The following POU2AF1 variants were observed in gnomAD, a reference collection of about 807,000 sequenced individuals.
POU2AF1 encodes the protein POU class 2 homeobox associating factor 1.
A neutral mutation model predicts 26.3 loss-of-function variants in POU2AF1; 12 were observed. The ratio of observed to expected loss-of-function variants is 0.46; its 90% CI spans 0.29 to 0.74. The LOEUF is 0.74. POU2AF1 is among the 30% of genes least tolerant of loss of function. The pLI, the probability that POU2AF1 is intolerant of heterozygous loss-of-function variation, is 0.09. For synonymous variants in POU2AF1, 175 were observed against 148.0 expected, an observed-to-expected ratio of 1.18 and a Z score of -1.32; for missense variants, 297 against 334.5, an observed-to-expected ratio of 0.89 and a Z score of 0.87.
chr11:111,368,552 C>A (rs989879223), intron 1 of POU2AF1, among the ~76,000 whole-genome samples: 2 of 152,188 alleles, frequency 1.3e-5, no homozygotes, highest in Non-Finnish European at 2.9e-5. Flanking sequence ...TCTGCAGAGG[C>A]TTTTGTGCCA....
At chr11:111,365,309 G>A (rs1462568216) in intron 1 of POU2AF1, among the ~76,000 whole-genome samples, 1 of 152,176 alleles carries the variant, frequency 6.6e-6, no homozygotes, top group Non-Finnish European at 1.5e-5. Context: ...TTGGAGAAAG[G>A]GAGTGGTTGT....
chr11:111,371,520 G>A (rs1002111647), intron 1 of POU2AF1, among the ~76,000 whole-genome samples: 2 of 152,100 alleles, frequency 1.3e-5, no homozygotes, highest in Non-Finnish European at 2.9e-5. Context: ...TTCCAAGTTT[G>A]ATCACAGAAT....
At chr11:111,355,391 G>A (rs7107546) in intron 4 of POU2AF1, among the ~76,000 whole-genome samples, 105,593 of 152,102 alleles carry the variant, frequency 0.69, 37,394 homozygotes, top group Admixed American at 0.79. Context: ...CCTGCAACAG[G>A]GGCGGGACCT....
In POU2AF1 at chr11:111,353,254, T is replaced by G. The variant is rs1219653164; in HGVS notation, c.*1007A>C. The G allele has an allele frequency of 8.6e-6, 2 of 233,168 alleles. No individual in the cohort carries two copies. The highest frequency in any genetic ancestry group is 1.7e-5 in the Non-Finnish European group (2 of 118,042). The allele number at this position is 233,168 out of a possible 1,614,324, so 14.4% of individuals were successfully genotyped here. A position where few individuals can be genotyped will look rare whatever the true frequency, so the allele number is the denominator to read the frequency against. ...CCTCAAGGAGAGCAGCAAAACCATCTCTTCAAGCAATGCTTTCCTTTAGTT... is the reference window on the plus strand; with the variant it reads ...CCTCAAGGAGAGCAGCAAAACCATCGCTTCAAGCAATGCTTTCCTTTAGTT... On this transcript the variant is annotated 3_prime_UTR_variant, in exon 5 of 5. Transcript: ENST00000393067.
At chr11:111,378,902 A>C (rs1861364473) in intron 1 of POU2AF1, among the ~76,000 whole-genome samples, 1 of 152,328 alleles carries the variant, frequency 6.6e-6, no homozygotes, top group African/African-American at 2.4e-5. Context: ...AAGCGGAGGT[A>C]CCCTGAGCCG....
At chr11:111,360,139 A>T (rs191609879) in intron 1 of POU2AF1, 192 of 468,860 alleles carry the variant, frequency 4.1e-4, no homozygotes, top group Non-Finnish European at 7.2e-4. Flanking sequence ...CGTGGCTGGG[A>T]AGCAACAAGC....
chr11:111,358,744 TTTCA>T (rs386757472), intron 2 of POU2AF1, 40 bp downstream of exon 2: 40 of 1,489,540 alleles, frequency 2.7e-5, no homozygotes, highest in Non-Finnish European at 3.3e-5. Flanking sequence ...ACACATTCTC[TTTCA>T]CACACACACA....
chr11:111,363,948 T>C, intron 1 of POU2AF1: 1 of 985,344 alleles, frequency 1.0e-6, no homozygotes, highest in South Asian at 4.7e-5. Flanking sequence ...GGAGATCTCC[T>C]TTTTCGGGCT....
At chr11:111,361,184 C>T (rs1416099101) in intron 1 of POU2AF1, among the ~76,000 whole-genome samples, 1 of 140,028 alleles carries the variant, frequency 7.1e-6, no homozygotes, top group East Asian at 2.0e-4. Flanking sequence ...CCCCCGCCCA[C>T]GTGGATCTTG....
At chr11:111,369,744 C>G (rs956803284) in intron 1 of POU2AF1, among the ~76,000 whole-genome samples, 4 of 152,156 alleles carry the variant, frequency 2.6e-5, no homozygotes, top group African/African-American at 9.7e-5. Flanking sequence ...AGTCCACCTA[C>G]CCCAGTGGCC....
At chr11:111,360,796 T>C (rs1860991471) in intron 1 of POU2AF1, among the ~76,000 whole-genome samples, 1 of 151,976 alleles carries the variant, frequency 6.6e-6, no homozygotes, top group African/African-American at 2.4e-5. Flanking sequence ...TACAAAAAAT[T>C]AGCCAGATGT....
chr11:111,354,532 C>T lies in POU2AF1; in HGVS notation c.500G>A (p.Gly167Asp), dbSNP rs753286475. The T allele has an allele frequency of 6.4e-7, 1 of 1,561,066 alleles. No individual in the cohort carries two copies. The highest frequency in any genetic ancestry group is 8.6e-7 in the Non-Finnish European group (1 of 1,158,818). ...ATPAVGPPLE[G>D]PEHQAPLTYF... The stretch of plus-strand genomic sequence containing the variant: ...GGTGAGGGGTGCCTGGTGCTCTGGG[C>T]CCTCCAGCGGGGGCCCCACTGCGGG... The change falls in exon 5 of 5, where the codon GGC (glycine) becomes GAC (aspartate). Residue 167 changes from glycine to aspartate, a missense_variant. By Grantham distance (94) the Gly-to-Asp change is moderately conservative. Transcript: ENST00000393067.
chr11:111,358,336 T>G (rs61896824), intron 2 of POU2AF1, among the ~76,000 whole-genome samples: 58,641 of 108,922 alleles, frequency 0.54, 16,662 homozygotes, highest in Admixed American at 0.67. Flanking sequence ...TCTCACACAC[T>G]CTCACACTCT....
At chr11:111,355,055 C>T (rs1412522865) in intron 4 of POU2AF1, among the ~76,000 whole-genome samples, 1 of 152,194 alleles carries the variant, frequency 6.6e-6, no homozygotes, top group East Asian at 1.9e-4. Flanking sequence ...AAAGACAGTC[C>T]GGGCTCCACA....
chr11:111,369,954 C>G (rs775488554), intron 1 of POU2AF1, among the ~76,000 whole-genome samples: 1 of 152,194 alleles, frequency 6.6e-6, no homozygotes, highest in Non-Finnish European at 1.5e-5. Flanking sequence ...CTAATTTTGG[C>G]TTTTCAAGAC....
At chr11:111,364,113 A>C (rs1031148293) in intron 1 of POU2AF1, 1 of 518,108 alleles carries the variant, frequency 1.9e-6, no homozygotes, top group East Asian at 1.5e-4. Flanking sequence ...TGTAGGTACA[A>C]AAAGTCAGCA....
intron 2 of POU2AF1, among the ~76,000 whole-genome samples, chr11:111,358,442 T>TCA (rs767955256): frequency 0.059 from 2,776 of 46,858 alleles, 123 homozygotes; most frequent in African/African-American, 0.16. Flanking sequence ...ACACTCACTC[T>TCA]CACACACACA....
chr11:111,357,713 G>A lies in POU2AF1; in HGVS notation c.191-3C>T, dbSNP rs143769469. On this transcript the variant is annotated splice_polypyrimidine_tract_variant and splice_region_variant and intron_variant, in intron 3 of 4. Transcript: ENST00000393067. ...TTCCATGTCCAGGCAGGAAGGACCTGTGGGAAGAAGGAAATTACAGAACTT... is the reference window on the plus strand; with the variant it reads ...TTCCATGTCCAGGCAGGAAGGACCTATGGGAAGAAGGAAATTACAGAACTT... The A allele has an allele frequency of 6.3e-4, 1,018 of 1,612,048 alleles. 6 individuals are homozygous for A. In the African/African-American group the frequency reaches 0.012, roughly 20 times the overall value.
chr11:111,363,326 A>G, intron 1 of POU2AF1: 1 of 1,025,570 alleles, frequency 9.8e-7, no homozygotes, highest in Non-Finnish European at 1.2e-6. Context: ...TGACTTTGCA[A>G]AGTGCTCATG....
Sources: allele counts gnomAD v4.1 joint callset (sites outside exome capture counted in the v4.1 genomes callset), GRCh38; gene constraint gnomAD v4.1.1; transcripts MANE v1.5; gene names NCBI Gene and HGNC (gene_info 2026-07-23, HGNC 2026-07-21).